The following PTPRD variants were observed in gnomAD, a reference collection of about 807,000 sequenced individuals.
PTPRD encodes the protein receptor-type tyrosine-protein phosphatase delta.
Under a neutral mutation model 214.5 loss-of-function variants are expected in PTPRD, and 34 were observed. The observed-to-expected ratio is 0.16, with a 90% CI of 0.12 to 0.21. The LOEUF is 0.21. Among genes scored for constraint, PTPRD ranks in the 10% least tolerant of loss-of-function variants. PTPRD has a pLI of 1.00. For missense variants in PTPRD, 2,545 were observed against 2,398.7 expected (o/e 1.06, Z -1.27); for synonymous variants, 1,128 against 845.7 (o/e 1.33, Z -5.79).
At chr9:8,454,369 A>T (rs1374360687) in intron 33 of PTPRD, among the ~76,000 whole-genome samples, 1 of 152,212 alleles carries the variant, frequency 6.6e-6, no homozygotes, top group Non-Finnish European at 1.5e-5. Context: ...CTTCGCCTTT[A>T]ATCTGTTTTT....
chr9:8,655,075 T>G (rs950727106), intron 12 of PTPRD, among the ~76,000 whole-genome samples: 20 of 152,180 alleles, frequency 1.3e-4, no homozygotes, highest in African/African-American at 4.3e-4. Context: ...CAACAAGCAA[T>G]CAACGATTCA....
chr9:9,582,030 T>G (rs1293322006), intron 7 of PTPRD, among the ~76,000 whole-genome samples: 1 of 152,162 alleles, frequency 6.6e-6, no homozygotes, highest in African/African-American at 2.4e-5. Flanking sequence ...ACAATTGCAT[T>G]CTATAATCTC....
intron 10 of PTPRD, among the ~76,000 whole-genome samples, chr9:9,178,085 G>A (rs889315357): frequency 6.6e-6 from 1 of 152,044 alleles, no homozygotes; most frequent in Non-Finnish European, 1.5e-5. Context: ...AAAAAGGCAG[G>A]TAGCTTTTGT....
At chr9:10,259,441 T>C (rs1438676004) in intron 3 of PTPRD, among the ~76,000 whole-genome samples, 1 of 152,190 alleles carries the variant, frequency 6.6e-6, no homozygotes, top group East Asian at 1.9e-4. Context: ...ACATTGCTTA[T>C]ACAAAGGCCC....
chr9:10,043,577 G>A (rs2097334564), intron 3 of PTPRD, among the ~76,000 whole-genome samples: 1 of 151,830 alleles, frequency 6.6e-6, no homozygotes, highest in Non-Finnish European at 1.5e-5. Flanking sequence ...TGTGTGAGGT[G>A]CATATGTACA....
At chr9:9,787,402 G>C (rs2098932901) in intron 5 of PTPRD, among the ~76,000 whole-genome samples, 1 of 141,596 alleles carries the variant, frequency 7.1e-6, no homozygotes, top group Non-Finnish European at 1.5e-5. Context: ...GATTCAGGAA[G>C]TGTTTATGTC....
chr9:8,657,212 G>C (rs922909337), intron 12 of PTPRD, among the ~76,000 whole-genome samples: 27 of 143,758 alleles, frequency 1.9e-4, no homozygotes, highest in Admixed American at 1.4e-4. Flanking sequence ...TTGCTGCCCA[G>C]GCTGGAGTGC....
intron 10 of PTPRD, among the ~76,000 whole-genome samples, chr9:9,031,093 A>C (rs2099603855): frequency 6.6e-6 from 1 of 151,952 alleles, no homozygotes; most frequent in Admixed American, 6.6e-5. Context: ...AGACTTGATG[A>C]CCATCTTGGT....
chr9:9,147,003 T>C (rs1398678921), intron 10 of PTPRD, among the ~76,000 whole-genome samples: 1 of 152,184 alleles, frequency 6.6e-6, no homozygotes. Flanking sequence ...TGGACAGATT[T>C]TGAAATTCTT....
At chr9:8,554,523 C>A (rs373361656) in intron 14 of PTPRD, among the ~76,000 whole-genome samples, 3 of 152,058 alleles carry the variant, frequency 2.0e-5, no homozygotes, top group East Asian at 1.9e-4. Context: ...ATGATCACCC[C>A]ATAAAAAGAA....
Position 9,623,619 on chromosome 9 carries a change from G to T in PTPRD, c.-286-48838C>A, listed in dbSNP as rs575505287. 1.8e-4 allele frequency among the ~76,000 whole-genome samples: 28 copies of T among 152,254 alleles called. No homozygotes were observed. The South Asian group carries it at 4.8e-3, about 26-fold the overall frequency. On this transcript the variant is annotated intron_variant, in intron 7 of 45. Coordinates refer to ENST00000381196, the MANE Select transcript of PTPRD (RefSeq NM_002839.4). ...CAGTGTCACACCGTGGGAAATAAAT[G>T]ATACAACAATCAATTACATGGTTAC...
intron 5 of PTPRD, among the ~76,000 whole-genome samples, chr9:9,891,511 G>T (rs1370802354): frequency 1.3e-5 from 2 of 151,774 alleles, no homozygotes; most frequent in Non-Finnish European, 2.9e-5. Context: ...ATATTTCTCT[G>T]CATATTTACA....
chr9:9,707,003 T>C (rs1197471306), intron 7 of PTPRD, among the ~76,000 whole-genome samples: 5 of 152,236 alleles, frequency 3.3e-5, no homozygotes, highest in African/African-American at 4.8e-5. Flanking sequence ...GTTAAAAGTA[T>C]AGAAGTGAAA....
At chr9:9,613,462 T>A (rs1230665562) in intron 7 of PTPRD, among the ~76,000 whole-genome samples, 1 of 152,082 alleles carries the variant, frequency 6.6e-6, no homozygotes, top group Non-Finnish European at 1.5e-5. Flanking sequence ...CCATCTACTT[T>A]TGATACATTC....
At chr9:9,708,061 C>A (rs1047533492) in intron 7 of PTPRD, among the ~76,000 whole-genome samples, 2 of 152,028 alleles carry the variant, frequency 1.3e-5, no homozygotes, top group Non-Finnish European at 2.9e-5. Flanking sequence ...AAGAGACTTT[C>A]AATGACAAAG....
chr9:10,125,231 T>C (rs755217594), intron 3 of PTPRD, among the ~76,000 whole-genome samples: 3 of 151,948 alleles, frequency 2.0e-5, no homozygotes, highest in Non-Finnish European at 4.4e-5. Context: ...ACTATTATAC[T>C]ATCTTCATAG....
rs1222042386 is a variant in PTPRD, at chr9:9,950,521, G to A, written c.-471-11911C>T. On this transcript the variant is annotated intron_variant, in intron 4 of 45. Coordinates refer to ENST00000381196, the MANE Select transcript of PTPRD (RefSeq NM_002839.4). ...GGGCGGATCACGAGGTCAGGAGATCGAGACCATCCTGGCTAACACGGTGAA... is the reference window on the plus strand; with the variant it reads ...GGGCGGATCACGAGGTCAGGAGATCAAGACCATCCTGGCTAACACGGTGAA... Among the ~76,000 whole-genome samples the A allele has an allele frequency of 2.7e-4, 10 of 36,396 alleles. 3 individuals are homozygous for A. Among genetic ancestry groups the A allele is most frequent in the African/African-American group, 2.5e-3 (4 of 1,608 alleles). 23.9% of individuals were successfully genotyped at this position (36,396 alleles called of 152,430 possible).
intron 11 of PTPRD, among the ~76,000 whole-genome samples, chr9:8,974,646 G>T (rs374033707): frequency 6.6e-6 from 1 of 151,896 alleles, no homozygotes; most frequent in Non-Finnish European, 1.5e-5. Flanking sequence ...TACTGCTTAC[G>T]TTTATTAATC....
At chr9:9,486,753 T>C (rs1482838340) in intron 8 of PTPRD, among the ~76,000 whole-genome samples, 2 of 152,198 alleles carry the variant, frequency 1.3e-5, no homozygotes, top group East Asian at 3.9e-4. Context: ...GAATCTAGGA[T>C]ACACACCCTC....
Sources: allele counts gnomAD v4.1 joint callset (sites outside exome capture counted in the v4.1 genomes callset), GRCh38; gene constraint gnomAD v4.1.1; transcripts MANE v1.5; gene names NCBI Gene and HGNC (gene_info 2026-07-23, HGNC 2026-07-21).